The following BCL2 variants were observed in gnomAD, a reference collection of about 807,000 sequenced individuals.
The protein encoded by BCL2 is BCL2 apoptosis regulator, also known as apoptosis regulator Bcl-2.
In BCL2, 1 loss-of-function variant was observed where a neutral mutation model predicts 14.2. The ratio of observed to expected loss-of-function variants is 0.07; its 90% CI spans 0.02 to 0.33. The LOEUF (loss-of-function observed/expected upper bound fraction) is 0.33, where lower values mean the gene tolerates loss of function less well. Ranked by LOEUF, BCL2 falls within the 10% of genes least tolerant of loss-of-function variation. The probability of loss-of-function intolerance (pLI) is 0.99; values close to 1 mark genes in which losing one functional copy is unlikely to be tolerated. For synonymous variants in BCL2, 151 were observed against 137.2 expected, an observed-to-expected ratio of 1.10 and a Z score of -0.70; for missense variants, 247 against 305.9, an observed-to-expected ratio of 0.81 and a Z score of 1.44.
chr18:63,204,090 C>T (rs1909771647), intron 2 of BCL2, among the ~76,000 whole-genome samples: 2 of 152,186 alleles, frequency 1.3e-5, no homozygotes, highest in Non-Finnish European at 2.9e-5. Context: ...GCCCTCTATC[C>T]AGCACAGGGT....
chr18:63,197,498 C>G (rs1185183935), intron 2 of BCL2, among the ~76,000 whole-genome samples: 1 of 152,224 alleles, frequency 6.6e-6, no homozygotes, highest in African/African-American at 2.4e-5. Context: ...ACTCTTCTTG[C>G]ATTTTCAGTG....
chr18:63,266,633 T>TCACACACACACACACA (rs1238518850), intron 2 of BCL2, among the ~76,000 whole-genome samples: 1 of 145,392 alleles, frequency 6.9e-6, no homozygotes, highest in Admixed American at 7.0e-5. Context: ...TCTCTCTCTC[T>TCACACACACACACACA]CTCTCACACA....
At chr18:63,153,163 G>A (rs1417640004) in intron 2 of BCL2, among the ~76,000 whole-genome samples, 1 of 152,184 alleles carries the variant, frequency 6.6e-6, no homozygotes. Context: ...TGAGTTATCA[G>A]TTCTCCTCTC....
At chr18:63,228,778 C>T (rs1262027467) in intron 2 of BCL2, among the ~76,000 whole-genome samples, 3 of 152,166 alleles carry the variant, frequency 2.0e-5, no homozygotes, top group Non-Finnish European at 2.9e-5. Flanking sequence ...GCATGATCTC[C>T]GCTTACTGCA....
In BCL2 at chr18:63,128,229, G is replaced by A; in HGVS notation, c.*396C>T. On this transcript the variant is annotated 3_prime_UTR_variant, in exon 3 of 3. Transcript: ENST00000333681. ...TTTTCCATCCGTCTGCTCTTCAGAT[G>A]GTGATCCGGCCAACAACATGGAAAG... is the stretch of plus-strand genomic sequence containing the variant. The A allele has an allele frequency of 4.2e-6, 1 of 235,936 alleles. No individual in the cohort carries two copies. 14.6% of individuals were successfully genotyped at this position (235,936 alleles called of 1,614,324 possible). A position where few individuals can be genotyped will look rare whatever the true frequency, so the allele number is the denominator to read the frequency against.
intron 2 of BCL2, among the ~76,000 whole-genome samples, chr18:63,301,164 G>A (rs1378260438): frequency 6.6e-6 from 1 of 152,174 alleles, no homozygotes. Context: ...ATTCTTCCTC[G>A]AAGAGTCAAA....
intron 2 of BCL2, among the ~76,000 whole-genome samples, chr18:63,231,997 G>A (rs78666808): frequency 1.3e-5 from 2 of 151,924 alleles, no homozygotes; most frequent in East Asian, 1.9e-4. Flanking sequence ...CTAGACTAAC[G>A]CAATAGAGAG....
intron 2 of BCL2, among the ~76,000 whole-genome samples, chr18:63,283,410 T>C (rs1344328450): frequency 6.6e-6 from 1 of 152,174 alleles, no homozygotes; most frequent in Non-Finnish European, 1.5e-5. Flanking sequence ...CTTAACCTTC[T>C]CCAGCCTGGG....
At chr18:63,313,324 T>C (rs539933787) in intron 2 of BCL2, among the ~76,000 whole-genome samples, 13 of 152,330 alleles carry the variant, frequency 8.5e-5, no homozygotes, top group Non-Finnish European at 1.8e-4. Context: ...TCATCATTAA[T>C]CCTGCTTAGA....
Position 63,149,019 on chromosome 18 carries a change from A to C in BCL2, c.586-20260T>G, listed in dbSNP as rs1437250105. Among the ~76,000 whole-genome samples, 6 of 152,244 alleles carry C rather than the reference A, an allele frequency of 3.9e-5. No homozygotes were observed. The highest frequency in any genetic ancestry group is 8.8e-5 in the Non-Finnish European group (6 of 68,046). ...CTAAATGTAGCTATGACTCCCAGCT[A>C]AACGGGCCTGCCCAGAGCCACGAAG... On this transcript the variant is annotated intron_variant, in intron 2 of 2. Coordinates refer to ENST00000333681, the MANE Select transcript of BCL2 (RefSeq NM_000633.3). This position sits in a 1 kb window ranked among gnomAD's most constrained non-coding sequence, Gnocchi z 4.2.
chr18:63,169,229 T>C (rs922507759), intron 2 of BCL2, among the ~76,000 whole-genome samples: 15 of 151,262 alleles, frequency 9.9e-5, no homozygotes, highest in African/African-American at 3.4e-4. Flanking sequence ...GCAGACAGAA[T>C]AGTTTTTCCC....
At chr18:63,315,043 C>G (rs148204898) in intron 2 of BCL2, 4 of 152,326 alleles carry the variant, frequency 2.6e-5, no homozygotes, top group African/African-American at 7.2e-5. Flanking sequence ...CAGAATCCAT[C>G]CCAGGTAGCA....
In BCL2 at chr18:63,208,338, C is replaced by T. The variant is rs761830014; in HGVS notation, c.586-79579G>A. On this transcript the variant is annotated intron_variant, in intron 2 of 2. Coordinates refer to ENST00000333681, the MANE Select transcript of BCL2 (RefSeq NM_000633.3). The stretch of plus-strand genomic sequence containing the variant: ...ACATGCCCTGCGCCACACTGTACCC[C>T]CCACCCCCGCCCACCCGGCTCCCCG... 2.0e-4 allele frequency among the ~76,000 whole-genome samples: 31 copies of T among 152,218 alleles called. No homozygotes were observed. The South Asian group carries it at 2.1e-3, about 10-fold the overall frequency.
intron 2 of BCL2, among the ~76,000 whole-genome samples, chr18:63,299,621 C>G (rs1251095049): frequency 6.6e-6 from 1 of 152,162 alleles, no homozygotes; most frequent in African/African-American, 2.4e-5. Flanking sequence ...CACATAGAGC[C>G]TTGGAGAGCG....
At chr18:63,207,861 A>G (rs1307500392) in intron 2 of BCL2, 1 of 152,234 alleles carries the variant, frequency 6.6e-6, no homozygotes, top group Non-Finnish European at 1.5e-5. Flanking sequence ...CTATATGGTT[A>G]TTCTACCCCT....
chr18:63,253,594 T>C (rs1269079661), intron 2 of BCL2, among the ~76,000 whole-genome samples: 3 of 152,162 alleles, frequency 2.0e-5, no homozygotes, highest in Admixed American at 6.5e-5. Flanking sequence ...ACAGTATAAA[T>C]TTGGGAAGGA....
intron 2 of BCL2, among the ~76,000 whole-genome samples, chr18:63,272,247 A>G (rs1372716915): frequency 1.3e-5 from 2 of 152,224 alleles, no homozygotes; most frequent in Non-Finnish European, 2.9e-5. Context: ...AACCCTGGAA[A>G]AAATATCTGT....
At chr18:63,300,452 T>TTCTC (rs544913458) in intron 2 of BCL2, among the ~76,000 whole-genome samples, 1 of 141,616 alleles carries the variant, frequency 7.1e-6, no homozygotes, top group Non-Finnish European at 1.6e-5. Flanking sequence ...CTTGTGCTCC[T>TTCTC]TCTCTCTCTC....
At chr18:63,281,484 G>A (rs1254035678) in intron 2 of BCL2, among the ~76,000 whole-genome samples, 1 of 152,002 alleles carries the variant, frequency 6.6e-6, no homozygotes, top group Non-Finnish European at 1.5e-5. Context: ...GGGTAACACA[G>A]TGAGACCCCT....
Sources: gnomAD v4.1 joint callset for allele counts (sites outside exome capture counted in the v4.1 genomes callset) on GRCh38, gnomAD v4.1.1 for gene constraint, Gnocchi (gnomAD v3.1) non-coding constraint, MANE v1.5 for transcripts, NCBI Gene and HGNC (gene_info 2026-07-23, HGNC 2026-07-21) for gene names.